AGTPBP1: variants seen among roughly 807,000 people sequenced by gnomAD.
AGTPBP1 encodes cytosolic carboxypeptidase 1.
Under a neutral mutation model 143.9 loss-of-function variants are expected in AGTPBP1, and 70 were observed. The ratio of observed to expected loss-of-function variants is 0.49; its 90% CI spans 0.40 to 0.59. The LOEUF is 0.59. Ranked by LOEUF, AGTPBP1 falls within the 20% of genes least tolerant of loss-of-function variation. The probability of loss-of-function intolerance (pLI) is 0.00; values close to 1 mark genes in which losing one functional copy is unlikely to be tolerated. For synonymous variants in AGTPBP1, 463 were observed against 500.2 expected (o/e 0.93, Z 0.99); for missense variants, 1,229 against 1,464.5 (o/e 0.84, Z 2.62).
intron 1 of AGTPBP1, among the ~76,000 whole-genome samples, chr9:85,726,035 A>T (rs1171278834): frequency 7.2e-6 from 1 of 138,660 alleles, no homozygotes; most frequent in Admixed American, 7.4e-5. Flanking sequence ...CCAGCCTGAG[A>T]GACACAGCAA....
chr9:85,769,520 CAAAAAAA>C, the AGTPBP1 span, among the ~76,000 whole-genome samples: 21 of 60,900 alleles, frequency 3.4e-4, no homozygotes, highest in Admixed American at 5.8e-4. Context: ...ACCCTGTGTC[CAAAAAAA>C]AAAAAAAAAA....
At chr9:85,698,313 A>C (rs561235469) in intron 2 of AGTPBP1, among the ~76,000 whole-genome samples, 1 of 152,324 alleles carries the variant, frequency 6.6e-6, no homozygotes, top group African/African-American at 2.4e-5. Context: ...CCTTTTCCAA[A>C]TGCCAGATGG....
intron 24 of AGTPBP1, among the ~76,000 whole-genome samples, chr9:85,577,324 A>T: frequency 6.6e-6 from 1 of 152,172 alleles, no homozygotes; most frequent in East Asian, 1.9e-4. Flanking sequence ...AGAATTAACA[A>T]TGTATTTCCA....
chr9:85,595,848 G>A (rs1277638315), intron 18 of AGTPBP1, among the ~76,000 whole-genome samples: 2 of 152,090 alleles, frequency 1.3e-5, no homozygotes, highest in Non-Finnish European at 2.9e-5. Flanking sequence ...TTTCTAATTT[G>A]CTATAAGTAG....
At chr9:85,733,491 C>A (rs1487889704) in intron 1 of AGTPBP1, among the ~76,000 whole-genome samples, 1 of 152,034 alleles carries the variant, frequency 6.6e-6, no homozygotes, top group Non-Finnish European at 1.5e-5. Context: ...AGGAGAAAAT[C>A]TATAGACATA....
chr9:85,709,574 A>G (rs778012054), intron 2 of AGTPBP1, among the ~76,000 whole-genome samples: 5 of 152,186 alleles, frequency 3.3e-5, no homozygotes, highest in Non-Finnish European at 7.4e-5. Flanking sequence ...GATATCAGCA[A>G]GAACGTGTAA....
At chr9:85,677,333 T>C in intron 6 of AGTPBP1, 103 bp downstream of exon 6, 1 of 1,046,196 alleles carries the variant, frequency 9.6e-7, no homozygotes. Flanking sequence ...CATAGAAATT[T>C]AAAATAAATA....
intron 14 of AGTPBP1, among the ~76,000 whole-genome samples, chr9:85,629,247 T>TG (rs1267297709): frequency 1.3e-5 from 2 of 152,156 alleles, no homozygotes; most frequent in Non-Finnish European, 2.9e-5. Context: ...AGAATGTCAA[T>TG]TACTTCAGGA....
At chr9:85,660,707 T>G (rs1833803818) in intron 9 of AGTPBP1, among the ~76,000 whole-genome samples, 1 of 152,140 alleles carries the variant, frequency 6.6e-6, no homozygotes, top group Non-Finnish European at 1.5e-5. Context: ...ATCAATGTGC[T>G]TGACTAAATT....
At chr9:85,614,981 T>C (rs1330235406) in intron 17 of AGTPBP1, among the ~76,000 whole-genome samples, 2 of 152,160 alleles carry the variant, frequency 1.3e-5, no homozygotes, top group Non-Finnish European at 2.9e-5. Context: ...GAACGGTATT[T>C]CGTACCTTTC....
At chr9:85,767,292 C>T in the AGTPBP1 span, among the ~76,000 whole-genome samples, 12 of 148,496 alleles carry the variant, frequency 8.1e-5, no homozygotes, top group Non-Finnish European at 1.5e-4. Flanking sequence ...AGCAATTCTC[C>T]TGCCTCAGCC....
the AGTPBP1 span, among the ~76,000 whole-genome samples, chr9:85,761,905 A>G: frequency 1.3e-5 from 2 of 152,230 alleles, no homozygotes; most frequent in African/African-American, 4.8e-5. Context: ...CAGAATCTAC[A>G]ATGAACTCAA....
At chr9:85,754,188 A>G in the AGTPBP1 span, among the ~76,000 whole-genome samples, 1 of 152,120 alleles carries the variant, frequency 6.6e-6, no homozygotes, top group Non-Finnish European at 1.5e-5. Context: ...TCTCATGAAG[A>G]CGAGTATATT....
chr9:85,657,568 T>C lies in AGTPBP1; in HGVS notation c.776A>G (p.His259Arg), dbSNP rs145154612. The change falls in exon 10 of 26, where the codon CAT becomes CGT. Residue 259 changes from histidine (H) to arginine (R), a missense_variant. Coordinates refer to ENST00000357081, the MANE Select transcript of AGTPBP1 (RefSeq NM_001330701.2). ...LLTIYVDWHR[H>R]DNRHRNMLIR... ...GAGCATGTTTCTATGCCGGTTATCATGGCGGTGCCAATCTACATAAATTGT... is the reference window on the plus strand; with the variant it reads ...GAGCATGTTTCTATGCCGGTTATCACGGCGGTGCCAATCTACATAAATTGT... 5.6e-6 allele frequency: 9 copies of C among 1,613,932 alleles called. No individual in the cohort carries two copies. Among genetic ancestry groups the C allele is most frequent in the South Asian group, 2.2e-5 (2 of 91,086 alleles).
intron 25 of AGTPBP1, among the ~76,000 whole-genome samples, chr9:85,549,370 G>A (rs1378375691): frequency 2.0e-5 from 3 of 152,056 alleles, no homozygotes. Flanking sequence ...TGGGTAGCTG[G>A]GCAGGGAAGC....
chr9:85,610,271 G>A (rs7034784), intron 17 of AGTPBP1, among the ~76,000 whole-genome samples: 44,118 of 151,950 alleles, frequency 0.29, 9,686 homozygotes, highest in African/African-American at 0.6. Flanking sequence ...ACTGCCATCT[G>A]GTGGTAATTT....
rs1825778521 is a variant in AGTPBP1 at position 85,547,128 on chromosome 9, GATAAT to G, written c.3657_3661del (p.Glu1219AspfsTer19). 6.2e-7 allele frequency: 1 copy of G among 1,611,356 alleles called. No homozygotes were observed. Among genetic ancestry groups the G allele is most frequent in the African/African-American group, 1.3e-5 (1 of 74,738 alleles). On this transcript the variant is annotated frameshift_variant, in exon 26 of 26. Transcript: ENST00000357081. LOFTEE classifies it high-confidence loss of function. ...GCGGGCTCAAGGTAGGTATGTTCTT[GATAAT>G]TCAGAGTCAGAAAGTACTTCTTCTT...
intron 18 of AGTPBP1, 47 bp downstream of exon 18, chr9:85,596,315 C>T (rs781644979): frequency 2.3e-6 from 3 of 1,319,232 alleles, no homozygotes; most frequent in African/African-American, 2.9e-5. Flanking sequence ...GTACTTAATA[C>T]TGCCTTCTGT....
intron 1 of AGTPBP1, among the ~76,000 whole-genome samples, chr9:85,720,085 G>A (rs749519552): frequency 2.5e-4 from 38 of 152,086 alleles, no homozygotes; most frequent in Non-Finnish European, 2.8e-4. Context: ...GAGGATTTTT[G>A]CATCGATGTT....
Sources: gnomAD v4.1 joint callset for allele counts (sites outside exome capture counted in the v4.1 genomes callset) on GRCh38, gnomAD v4.1.1 for gene constraint, MANE v1.5 for transcripts, NCBI Gene and HGNC (gene_info 2026-07-23, HGNC 2026-07-21) for gene names.